Variants in MTSS1 observed in about 807,000 individuals in gnomAD.
MTSS1 encodes MTSS I-BAR domain containing 1.
A neutral mutation model predicts 79.0 loss-of-function variants in MTSS1; 18 were observed. The observed-to-expected ratio is 0.23, with a 90% CI of 0.16 to 0.34. The LOEUF (loss-of-function observed/expected upper bound fraction) is 0.34, where lower values mean the gene tolerates loss of function less well. Ranked by LOEUF, MTSS1 falls within the 10% of genes least tolerant of loss-of-function variation. The pLI, the probability that MTSS1 is intolerant of heterozygous loss-of-function variation, is 1.00. For missense variants in MTSS1, 815 were observed against 986.2 expected (o/e 0.83, Z 2.33); for synonymous variants, 341 against 368.6 (o/e 0.93, Z 0.86).
intron 7 of MTSS1, chr8:124,567,858 G>A (rs1360113221): frequency 2.0e-6 from 3 of 1,472,510 alleles, no homozygotes; most frequent in Non-Finnish European, 2.7e-6. Flanking sequence ...AACGCCTGCA[G>A]TGCAAGTTCT....
intron 2 of MTSS1, among the ~76,000 whole-genome samples, chr8:124,700,335 T>C (rs1829536609): frequency 6.6e-6 from 1 of 152,176 alleles, no homozygotes; most frequent in Non-Finnish European, 1.5e-5. Flanking sequence ...AAAGATCATG[T>C]AGTTCAAACA....
At chr8:124,697,588 A>AC (rs982504016) in intron 3 of MTSS1, among the ~76,000 whole-genome samples, 8 of 152,068 alleles carry the variant, frequency 5.3e-5, no homozygotes, top group Non-Finnish European at 8.8e-5. Context: ...AAACAAACAA[A>AC]AAAAAAACCC....
intron 6 of MTSS1, chr8:124,577,613 T>C (rs946216639): frequency 1.9e-6 from 1 of 518,856 alleles, no homozygotes. Flanking sequence ...TCACAATAGG[T>C]CTAAGGGTAA....
intron 3 of MTSS1, among the ~76,000 whole-genome samples, chr8:124,653,902 T>C (rs936868679): frequency 2.6e-5 from 4 of 152,178 alleles, no homozygotes; most frequent in African/African-American, 4.8e-5. Context: ...ATTCAACAGA[T>C]GCCGGAAACT....
At chr8:124,608,150 A>G (rs1587233033) in intron 3 of MTSS1, among the ~76,000 whole-genome samples, 1 of 151,958 alleles carries the variant, frequency 6.6e-6, no homozygotes, top group East Asian at 1.9e-4. Flanking sequence ...TGGTCACATC[A>G]TGTAATGAAG....
At chr8:124,654,755 T>C (rs1319775313) in intron 3 of MTSS1, among the ~76,000 whole-genome samples, 2 of 152,164 alleles carry the variant, frequency 1.3e-5, no homozygotes. Context: ...CATAATGTAA[T>C]GTACCCATTA....
At chr8:124,629,176 G>A (rs188684780) in intron 3 of MTSS1, among the ~76,000 whole-genome samples, 10 of 152,178 alleles carry the variant, frequency 6.6e-5, no homozygotes, top group Admixed American at 5.2e-4. Flanking sequence ...ACTAAGGCTC[G>A]AATTAAGGAG....
intron 3 of MTSS1, among the ~76,000 whole-genome samples, chr8:124,697,651 C>T (rs978674987): frequency 5.3e-5 from 8 of 152,044 alleles, no homozygotes; most frequent in Non-Finnish European, 1.0e-4. Flanking sequence ...AGTCCAGTTC[C>T]AGATACTGCT....
chr8:124,591,956 T>A (rs965500734), intron 3 of MTSS1, among the ~76,000 whole-genome samples: 3,203 of 61,534 alleles, frequency 0.052, 123 homozygotes, highest in African/African-American at 0.17. Flanking sequence ...GATTTTTTTA[T>A]TTTTTTTTTA....
chr8:124,715,055 C>T lies in MTSS1; in HGVS notation c.73-10864G>A, dbSNP rs1336317268. Reference sequence around the variant, plus strand: ...CAAAACACCTAGTGGCTTGCACACCCTATGAAATGTTAGACCTTCTAAGCG... The same window carrying T: ...CAAAACACCTAGTGGCTTGCACACCTTATGAAATGTTAGACCTTCTAAGCG... On this transcript the variant is annotated intron_variant, in intron 1 of 13. Coordinates refer to ENST00000518547, the MANE Select transcript of MTSS1 (RefSeq NM_014751.6). Among the ~76,000 whole-genome samples the T allele has an allele frequency of 3.3e-5, 5 of 152,220 alleles. No homozygotes were observed. In the East Asian group the frequency reaches 9.6e-4, roughly 29 times the overall value.
chr8:124,684,440 A>T (rs1161643474), intron 3 of MTSS1, among the ~76,000 whole-genome samples: 2 of 152,262 alleles, frequency 1.3e-5, no homozygotes, highest in African/African-American at 4.8e-5. Flanking sequence ...AGTTGCAAGC[A>T]TAAAGAAAAG....
chr8:124,555,251 A>T (rs1823349132), intron 13 of MTSS1, among the ~76,000 whole-genome samples: 1 of 151,838 alleles, frequency 6.6e-6, no homozygotes, highest in African/African-American at 2.4e-5. Context: ...TTTATTTATT[A>T]TTATTTTTTT....
At chr8:124,608,273 T>A (rs1335528329) in intron 3 of MTSS1, among the ~76,000 whole-genome samples, 2 of 152,180 alleles carry the variant, frequency 1.3e-5, no homozygotes, top group Admixed American at 1.3e-4. Context: ...AAAATGCAGA[T>A]AAGAATAACT....
At chr8:124,601,032 G>GACCT (rs1283864488) in intron 3 of MTSS1, among the ~76,000 whole-genome samples, 2 of 148,996 alleles carry the variant, frequency 1.3e-5, no homozygotes, top group Non-Finnish European at 3.0e-5. Context: ...TTTTTAAAGT[G>GACCT]ACCTTGACCC....
intron 3 of MTSS1, among the ~76,000 whole-genome samples, chr8:124,633,268 T>C (rs557261259): frequency 9.9e-5 from 15 of 152,208 alleles, no homozygotes; most frequent in African/African-American, 3.4e-4. Context: ...AATAATTTTA[T>C]GTTTGGTCAA....
At chr8:124,602,743 A>C (rs1034641271) in intron 3 of MTSS1, among the ~76,000 whole-genome samples, 4 of 152,166 alleles carry the variant, frequency 2.6e-5, no homozygotes, top group Non-Finnish European at 4.4e-5. Context: ...TATAAGGTGG[A>C]TCTCTTAGGT....
chr8:124,652,696 G>A (rs917137459), intron 3 of MTSS1, among the ~76,000 whole-genome samples: 1 of 151,558 alleles, frequency 6.6e-6, no homozygotes, highest in Non-Finnish European at 1.5e-5. Context: ...TTGGGAGGCT[G>A]AGGCAGGAGA....
rs540459985 is a variant in MTSS1, at chr8:124,672,599, A to T, written c.208+26927T>A. Among the ~76,000 whole-genome samples, 15 of 151,832 alleles carry T rather than the reference A, an allele frequency of 9.9e-5. No homozygotes were observed. The South Asian group carries it at 3.1e-3, about 32-fold the overall frequency. ...GGTGGGAGGATTGCTTGAACCCAGGAATTTGAGACCACCCTGGATAACATG... is the reference window on the plus strand; with the variant it reads ...GGTGGGAGGATTGCTTGAACCCAGGTATTTGAGACCACCCTGGATAACATG... On this transcript the variant is annotated intron_variant, in intron 3 of 13. Transcript: ENST00000518547.
chr8:124,583,093 C>T (rs1329811789), intron 6 of MTSS1, among the ~76,000 whole-genome samples: 1 of 152,168 alleles, frequency 6.6e-6, no homozygotes, highest in East Asian at 1.9e-4. Context: ...ACATTCCAAG[C>T]TATGGATCTG....
Sources: allele counts gnomAD v4.1 joint callset (sites outside exome capture counted in the v4.1 genomes callset), GRCh38; gene constraint gnomAD v4.1.1; transcripts MANE v1.5; gene names NCBI Gene and HGNC (gene_info 2026-07-23, HGNC 2026-07-21).